The following CNTN1 variants were observed in gnomAD, a reference collection of about 807,000 sequenced individuals.
The protein encoded by CNTN1 is contactin 1.
Under a neutral mutation model 126.4 loss-of-function variants are expected in CNTN1, and 38 were observed. That is an observed-to-expected ratio of 0.30 (90% confidence interval 0.23 to 0.39). CNTN1 has a LOEUF of 0.39. Ranked by LOEUF, CNTN1 falls within the 10% of genes least tolerant of loss-of-function variation. The probability of loss-of-function intolerance (pLI) is 1.00; values close to 1 mark genes in which losing one functional copy is unlikely to be tolerated. For synonymous variants in CNTN1, 413 were observed against 422.6 expected, an observed-to-expected ratio of 0.98 and a Z score of 0.28; for missense variants, 1,009 against 1,248.4, an observed-to-expected ratio of 0.81 and a Z score of 2.89.
chr12:40,727,136 A>G (rs1422378231), intron 1 of CNTN1, among the ~76,000 whole-genome samples: 1 of 151,210 alleles, frequency 6.6e-6, no homozygotes, highest in African/African-American at 2.4e-5. Flanking sequence ...GTGATACACT[A>G]TAATAAATGT....
At chr12:40,929,246 G>A (rs944922687) in intron 6 of CNTN1, among the ~76,000 whole-genome samples, 1 of 151,630 alleles carries the variant, frequency 6.6e-6, no homozygotes, top group Non-Finnish European at 1.5e-5. Flanking sequence ...AATTAAACCA[G>A]TACCATACTT....
intron 3 of CNTN1, 106 bp downstream of exon 3, chr12:40,910,211 A>G: frequency 1.2e-6 from 1 of 868,270 alleles, no homozygotes. Context: ...CAAATGGTTA[A>G]TGTTAGATCA....
intron 23 of CNTN1, among the ~76,000 whole-genome samples, chr12:41,065,263 G>C (rs1340698378): frequency 1.3e-5 from 2 of 152,146 alleles, no homozygotes; most frequent in Non-Finnish European, 2.9e-5. Flanking sequence ...CACCGTGTTA[G>C]CCAGGATGGT....
intron 2 of CNTN1, among the ~76,000 whole-genome samples, chr12:40,909,586 T>G (rs78423415): frequency 0.066 from 10,077 of 151,752 alleles, 539 homozygotes; most frequent in Admixed American, 0.16. Context: ...TATTATTTTA[T>G]TTTGGGGAAT....
chr12:40,778,331 AC>A (rs1484467245), intron 1 of CNTN1, among the ~76,000 whole-genome samples: 17 of 151,856 alleles, frequency 1.1e-4, no homozygotes, highest in Admixed American at 8.6e-4. Flanking sequence ...TTTTATTGGA[AC>A]ATAGCCACAT....
intron 20 of CNTN1, among the ~76,000 whole-genome samples, chr12:41,021,414 T>G (rs1213402494): frequency 6.6e-6 from 1 of 152,104 alleles, no homozygotes; most frequent in African/African-American, 2.4e-5. Flanking sequence ...CATGGAATAT[T>G]AGCCCCATGA....
intron 13 of CNTN1, 49 bp downstream of exon 13, chr12:40,943,773 G>A (rs374458452): frequency 3.6e-5 from 58 of 1,593,394 alleles, no homozygotes; most frequent in Non-Finnish European, 4.6e-5. Flanking sequence ...TAAAAAACAT[G>A]ATTCAGCACT....
intron 1 of CNTN1, among the ~76,000 whole-genome samples, chr12:40,880,742 C>T (rs1033036529): frequency 2.6e-5 from 4 of 151,886 alleles, no homozygotes; most frequent in East Asian, 3.9e-4. Context: ...TATGGCTGTA[C>T]GAATACTCTG....
intron 17 of CNTN1, among the ~76,000 whole-genome samples, chr12:40,998,107 C>A (rs1429767604): frequency 6.6e-6 from 1 of 151,998 alleles, no homozygotes; most frequent in Non-Finnish European, 1.5e-5. Flanking sequence ...AATAGATTTG[C>A]ATATTATAAT....
At chr12:40,954,332 T>C (rs1946793514) in intron 14 of CNTN1, among the ~76,000 whole-genome samples, 2 of 152,026 alleles carry the variant, frequency 1.3e-5, no homozygotes, top group Non-Finnish European at 2.9e-5. Flanking sequence ...AACAAATATG[T>C]AATGTTTATT....
chr12:40,970,257 T>C (rs1392128615), intron 15 of CNTN1, among the ~76,000 whole-genome samples: 1 of 151,430 alleles, frequency 6.6e-6, no homozygotes, highest in African/African-American at 2.4e-5. Flanking sequence ...AGACTTAAAA[T>C]CTCAAATCAC....
chr12:40,780,364 C>A (rs1003113927), intron 1 of CNTN1, among the ~76,000 whole-genome samples: 1 of 151,454 alleles, frequency 6.6e-6, no homozygotes, highest in Non-Finnish European at 1.5e-5. Flanking sequence ...AGTTTAAGAC[C>A]CCTAGGAATT....
intron 1 of CNTN1, among the ~76,000 whole-genome samples, chr12:40,842,161 A>T (rs1416249177): frequency 1.3e-5 from 2 of 152,094 alleles, no homozygotes; most frequent in Non-Finnish European, 1.5e-5. Context: ...GTGCCATTTG[A>T]GGAAATACGT....
chr12:40,962,802 C>A (rs1472088170), intron 15 of CNTN1, among the ~76,000 whole-genome samples: 1 of 152,094 alleles, frequency 6.6e-6, no homozygotes, highest in African/African-American at 2.4e-5. Context: ...CAAACAACTT[C>A]AAATCATGAG....
intron 1 of CNTN1, among the ~76,000 whole-genome samples, chr12:40,754,755 T>C (rs1277171865): frequency 6.6e-6 from 1 of 152,140 alleles, no homozygotes; most frequent in Non-Finnish European, 1.5e-5. Flanking sequence ...AATCTACCTG[T>C]ATTCTTTTTT....
chr12:40,800,530 TATTAA>T (rs1940605683), intron 1 of CNTN1, among the ~76,000 whole-genome samples: 1 of 151,970 alleles, frequency 6.6e-6, no homozygotes, highest in African/African-American at 2.4e-5. Context: ...TTTGTGAAAT[TATTAA>T]ATTAAAAAAT....
Position 41,025,250 on chromosome 12 carries a change from C to A in CNTN1, c.2624C>A (p.Thr875Asn). Residue 875 changes from threonine (T) to asparagine (N), a missense_variant, in exon 21 of 24, where the codon ACC (threonine) becomes AAC (asparagine). Coordinates refer to ENST00000551295, the MANE Select transcript of CNTN1 (RefSeq NM_001843.4). ...SARLENLLPD[T>N]QYFIEVGACN... ...AGGCTCGAGAACCTTCTGCCAGACA[C>A]CCAGTATTTTATAGAAGTCGGGGCC... 1.9e-6 allele frequency: 3 copies of A among 1,613,964 alleles called. No individual in the cohort carries two copies. The highest frequency in any genetic ancestry group is 2.5e-6 in the Non-Finnish European group (3 of 1,179,876).
chr12:40,985,769 T>C (rs748833765), intron 16 of CNTN1, among the ~76,000 whole-genome samples: 3 of 152,178 alleles, frequency 2.0e-5, no homozygotes, highest in Non-Finnish European at 4.4e-5. Flanking sequence ...TTGAAATATT[T>C]CCTCTGCTCT....
chr12:40,732,510 T>G (rs1942525461), intron 1 of CNTN1, among the ~76,000 whole-genome samples: 1 of 152,100 alleles, frequency 6.6e-6, no homozygotes, highest in Non-Finnish European at 1.5e-5. Context: ...TAGACCATGC[T>G]GACAGTCTGC....
Sources: allele counts gnomAD v4.1 joint callset (sites outside exome capture counted in the v4.1 genomes callset), GRCh38; gene constraint gnomAD v4.1.1; transcripts MANE v1.5; gene names NCBI Gene and HGNC (gene_info 2026-07-23, HGNC 2026-07-21).